BBX: variants seen among roughly 807,000 people sequenced by gnomAD.
The protein encoded by BBX is HMG box transcription factor BBX.
Under a neutral mutation model 100.2 loss-of-function variants are expected in BBX, and 30 were observed. That is an observed-to-expected ratio of 0.30 (90% CI 0.22 to 0.41). The LOEUF (loss-of-function observed/expected upper bound fraction) is 0.41, where lower values mean the gene tolerates loss of function less well. Among genes scored for constraint, BBX ranks in the 10% least tolerant of loss-of-function variants. The pLI, the probability that BBX is intolerant of heterozygous loss-of-function variation, is 1.00. For synonymous variants in BBX, 376 were observed against 388.1 expected, an observed-to-expected ratio of 0.97 and a Z score of 0.37; for missense variants, 1,023 against 1,129.8, an observed-to-expected ratio of 0.91 and a Z score of 1.35.
intron 2 of BBX, among the ~76,000 whole-genome samples, chr3:107,543,295 A>T (rs554244719): frequency 6.6e-6 from 1 of 152,326 alleles, no homozygotes; most frequent in Admixed American, 6.5e-5. Flanking sequence ...TGGAACTGAG[A>T]TATAAGACTT....
chr3:107,706,061 T>C (rs1242740314), intron 3 of BBX, among the ~76,000 whole-genome samples: 2 of 148,532 alleles, frequency 1.3e-5, no homozygotes, highest in Non-Finnish European at 3.0e-5. Flanking sequence ...TCTCACTCTG[T>C]AGCCAGACTG....
intron 10 of BBX, among the ~76,000 whole-genome samples, chr3:107,761,077 T>C (rs1299582877): frequency 6.6e-6 from 1 of 152,198 alleles, no homozygotes; most frequent in African/African-American, 2.4e-5. Context: ...CATTATCCGC[T>C]TAAATTTGCT....
intron 16 of BBX, 61 bp downstream of exon 16, chr3:107,798,781 G>A (rs2070040191): frequency 6.8e-6 from 10 of 1,468,948 alleles, no homozygotes; most frequent in Non-Finnish European, 9.5e-6. Context: ...GGGCCACACT[G>A]GAAGAAGAAT....
chr3:107,557,041 T>C (rs1447372135), intron 2 of BBX, among the ~76,000 whole-genome samples: 1 of 152,186 alleles, frequency 6.6e-6, no homozygotes, highest in Admixed American at 6.5e-5. Context: ...TGAGGTAAAA[T>C]TGACATACAG....
intron 3 of BBX, among the ~76,000 whole-genome samples, chr3:107,653,698 C>T (rs774145955): frequency 5.9e-5 from 9 of 152,210 alleles, no homozygotes; most frequent in Non-Finnish European, 1.2e-4. Context: ...TATTACCAAG[C>T]GTCTCCTTAT....
intron 3 of BBX, among the ~76,000 whole-genome samples, chr3:107,690,843 A>G (rs931400536): frequency 6.8e-6 from 1 of 147,482 alleles, no homozygotes; most frequent in Non-Finnish European, 1.5e-5. Flanking sequence ...AAGGAACTTC[A>G]GTCATATTAA....
intron 2 of BBX, among the ~76,000 whole-genome samples, chr3:107,527,542 A>G (rs775037495): frequency 4.6e-5 from 7 of 152,218 alleles, no homozygotes; most frequent in Non-Finnish European, 8.8e-5. Flanking sequence ...AACAAAATAT[A>G]CTTTCATGTT....
chr3:107,596,852 T>C (rs1384719777), intron 2 of BBX, among the ~76,000 whole-genome samples: 1 of 152,210 alleles, frequency 6.6e-6, no homozygotes, highest in Non-Finnish European at 1.5e-5. Context: ...TCAAAGTGGC[T>C]CATTTCCTGA....
At chr3:107,546,975 AT>A (rs1262793887) in intron 2 of BBX, among the ~76,000 whole-genome samples, 2 of 152,292 alleles carry the variant, frequency 1.3e-5, no homozygotes, top group East Asian at 3.9e-4. Flanking sequence ...GGGCATGAAT[AT>A]TTTAGGTAAA....
chr3:107,635,912 A>T (rs1199607838), intron 2 of BBX, among the ~76,000 whole-genome samples: 1 of 151,972 alleles, frequency 6.6e-6, no homozygotes, highest in Non-Finnish European at 1.5e-5. Flanking sequence ...GCATTTCACC[A>T]TGTTGGCCAG....
intron 10 of BBX, among the ~76,000 whole-genome samples, chr3:107,765,682 C>T (rs2066332196): frequency 6.6e-6 from 1 of 152,170 alleles, no homozygotes; most frequent in Non-Finnish European, 1.5e-5. Flanking sequence ...AAAACAGTGA[C>T]CACCGATGGC....
intron 2 of BBX, among the ~76,000 whole-genome samples, chr3:107,600,332 A>C (rs1004429638): frequency 2.0e-5 from 3 of 152,242 alleles, no homozygotes; most frequent in Non-Finnish European, 4.4e-5. Flanking sequence ...AGTTTTAGAA[A>C]TGTTTGAAGT....
chr3:107,615,950 A>G (rs2055220306), intron 2 of BBX, among the ~76,000 whole-genome samples: 1 of 136,332 alleles, frequency 7.3e-6, no homozygotes, highest in South Asian at 2.4e-4. Context: ...CCTTCAAAGG[A>G]GGCAGTCCCC....
At chr3:107,586,890 A>G (rs1467997135) in intron 2 of BBX, among the ~76,000 whole-genome samples, 1 of 152,002 alleles carries the variant, frequency 6.6e-6, no homozygotes, top group Non-Finnish European at 1.5e-5. Flanking sequence ...AGCTGGGACT[A>G]CAGACGCATG....
At chr3:107,704,589 GGAT>G (rs2061280775) in intron 3 of BBX, among the ~76,000 whole-genome samples, 1 of 152,206 alleles carries the variant, frequency 6.6e-6, no homozygotes, top group Non-Finnish European at 1.5e-5. Flanking sequence ...GAGCAAGAGA[GGAT>G]GAGAGTAAGA....
intron 3 of BBX, among the ~76,000 whole-genome samples, chr3:107,698,718 G>A (rs762845089): frequency 5.9e-5 from 9 of 151,434 alleles, no homozygotes; most frequent in South Asian, 2.1e-4. Flanking sequence ...ATCAGTGTTC[G>A]GTGATTGATA....
chr3:107,774,634 C>T, intron 11 of BBX, 85 bp from the exon 12 acceptor site: 1 of 1,420,838 alleles, frequency 7.0e-7, no homozygotes, highest in Non-Finnish European at 9.6e-7. Context: ...TGCAAGCAGT[C>T]AAGAGGTTGC....
At chr3:107,553,765 A>G (rs918361709) in intron 2 of BBX, among the ~76,000 whole-genome samples, 1 of 152,148 alleles carries the variant, frequency 6.6e-6, no homozygotes, top group Non-Finnish European at 1.5e-5. Flanking sequence ...AACAGTATTA[A>G]TTTTACACAA....
chr3:107,721,236 C>G (rs562867684), intron 5 of BBX, among the ~76,000 whole-genome samples: 10 of 152,118 alleles, frequency 6.6e-5, no homozygotes, highest in African/African-American at 1.7e-4. Context: ...ACACTATTTC[C>G]ACAGGAATCA....
Sources: gnomAD v4.1 joint callset for allele counts (sites outside exome capture counted in the v4.1 genomes callset) on GRCh38, gnomAD v4.1.1 for gene constraint, MANE v1.5 for transcripts, NCBI Gene and HGNC (gene_info 2026-07-23, HGNC 2026-07-21) for gene names.